Variants in GRXCR1 observed in about 807,000 individuals in gnomAD.
GRXCR1 encodes the protein glutaredoxin and cysteine rich domain containing 1, also known as glutaredoxin domain-containing cysteine-rich protein 1.
GRXCR1 carries 27 observed loss-of-function variants against 27.3 expected under a neutral mutation model. The observed-to-expected ratio is 0.99, with a 90% CI of 0.73 to 1.37. GRXCR1 has a LOEUF of 1.37. GRXCR1 is among the 40% of genes most tolerant of loss of function. The pLI is 0.00. For missense variants in GRXCR1, 379 were observed against 354.4 expected, an observed-to-expected ratio of 1.07 and a Z score of -0.56; for synonymous variants, 122 against 131.1, an observed-to-expected ratio of 0.93 and a Z score of 0.47.
intron 1 of GRXCR1, among the ~76,000 whole-genome samples, chr4:42,928,743 A>G (rs1338691527): frequency 2.0e-5 from 3 of 152,080 alleles, no homozygotes; most frequent in South Asian, 4.1e-4. Flanking sequence ...AGGCAAGGCA[A>G]GGGAGGGTAA....
intron 2 of GRXCR1, among the ~76,000 whole-genome samples, chr4:42,982,696 T>C (rs1289067513): frequency 2.8e-5 from 4 of 143,012 alleles, no homozygotes; most frequent in Non-Finnish European, 3.1e-5. Context: ...TTCCTGTTTC[T>C]CCACATCCTC....
intron 1 of GRXCR1, among the ~76,000 whole-genome samples, chr4:42,919,216 T>A (rs1239536659): frequency 6.6e-6 from 1 of 152,156 alleles, no homozygotes; most frequent in Non-Finnish European, 1.5e-5. Flanking sequence ...GAGGCTGGCC[T>A]GTCAGACAGT....
At position 42,986,880 on chromosome 4, in the gene GRXCR1, G is replaced by T. The variant is rs1222236059; in HGVS notation, c.627+23746G>T. ...CTTAAAATTAGTCCCCCTAAGCCTGGAAAGAAGAAGCCAAACAGTCACCGA... is the reference window on the plus strand; with the variant it reads ...CTTAAAATTAGTCCCCCTAAGCCTGTAAAGAAGAAGCCAAACAGTCACCGA... On this transcript the variant is annotated intron_variant, in intron 2 of 3. Coordinates refer to ENST00000399770, the MANE Select transcript of GRXCR1 (RefSeq NM_001080476.3). Among the ~76,000 whole-genome samples the T allele has an allele frequency of 3.3e-5, 5 of 151,978 alleles. No homozygotes were observed. In the East Asian group the frequency reaches 9.7e-4, roughly 30 times the overall value.
intron 3 of GRXCR1, among the ~76,000 whole-genome samples, chr4:43,026,646 T>C (rs1234887742): frequency 1.3e-5 from 2 of 152,168 alleles, no homozygotes; most frequent in African/African-American, 4.8e-5. Flanking sequence ...CAAATAAACA[T>C]TGAAAACTAC....
intron 1 of GRXCR1, among the ~76,000 whole-genome samples, chr4:42,945,360 G>T (rs538420373): frequency 1.3e-5 from 2 of 152,296 alleles, no homozygotes; most frequent in Non-Finnish European, 2.9e-5. Context: ...ATGGACTCAT[G>T]TAAATAAATC....
Position 42,893,241 on chromosome 4 carries a change from A to G in GRXCR1, c.-26A>G, listed in dbSNP as rs1402251081. 6.2e-7 allele frequency: 1 copy of G among 1,613,036 alleles called. No individual in the cohort carries two copies. The highest frequency in any genetic ancestry group is 1.3e-5 in the African/African-American group (1 of 74,856). On this transcript the variant is annotated 5_prime_UTR_variant, in exon 1 of 4. An upstream open reading frame in the 5' UTR loses its in-frame stop. Transcript: ENST00000399770. Reference sequence around the variant, plus strand: ...GTAACAACGGGTCCAGAATGCTGTAAACTGTTCATATGGGTGGAGGTGACC... The same window carrying G: ...GTAACAACGGGTCCAGAATGCTGTAGACTGTTCATATGGGTGGAGGTGACC...
intron 1 of GRXCR1, among the ~76,000 whole-genome samples, chr4:42,944,281 G>C (rs1436610048): frequency 1.3e-5 from 2 of 152,046 alleles, no homozygotes; most frequent in African/African-American, 4.8e-5. Context: ...GTTTGAGATT[G>C]TATCAGGATT....
At chr4:42,965,028 T>C (rs897686718) in intron 2 of GRXCR1, among the ~76,000 whole-genome samples, 1 of 152,082 alleles carries the variant, frequency 6.6e-6, no homozygotes, top group Non-Finnish European at 1.5e-5. Context: ...CTGCCTTCAA[T>C]GCACAGGTAT....
At chr4:43,004,289 A>C (rs1409853225) in intron 2 of GRXCR1, among the ~76,000 whole-genome samples, 1 of 152,218 alleles carries the variant, frequency 6.6e-6, no homozygotes, top group Non-Finnish European at 1.5e-5. Context: ...GTATGGAAAC[A>C]CCTGGATGTC....
At chr4:42,919,371 A>G (rs775545758) in intron 1 of GRXCR1, among the ~76,000 whole-genome samples, 2 of 152,110 alleles carry the variant, frequency 1.3e-5, no homozygotes, top group Non-Finnish European at 2.9e-5. Context: ...TTGCTTGCTT[A>G]TCTCCTGTGG....
At position 42,938,561 on chromosome 4, in the gene GRXCR1, T is replaced by C. The variant is rs181769802; in HGVS notation, c.385-24331T>C. Among the ~76,000 whole-genome samples, 3 of 152,154 alleles carry C rather than the reference T, an allele frequency of 2.0e-5. No homozygotes were observed. The East Asian group carries it at 5.8e-4, about 29-fold the overall frequency. On this transcript the variant is annotated intron_variant, in intron 1 of 3. Coordinates refer to ENST00000399770, the MANE Select transcript of GRXCR1 (RefSeq NM_001080476.3). Reference sequence around the variant, plus strand: ...TCATGGTTCCCTCTGCTTTGTGGTATTACTCAAGAAGTCTTTGCTCAGACC... The same window carrying C: ...TCATGGTTCCCTCTGCTTTGTGGTACTACTCAAGAAGTCTTTGCTCAGACC...
chr4:43,008,111 G>A (rs1248337130), intron 2 of GRXCR1, among the ~76,000 whole-genome samples: 3 of 151,500 alleles, frequency 2.0e-5, no homozygotes, highest in Admixed American at 6.6e-5. Flanking sequence ...ACTTTTTAAC[G>A]TTTTAGTTTT....
chr4:42,949,528 C>T (rs926108045), intron 1 of GRXCR1, among the ~76,000 whole-genome samples: 1 of 152,122 alleles, frequency 6.6e-6, no homozygotes, highest in African/African-American at 2.4e-5. Flanking sequence ...CTAGCTCCAT[C>T]ATTTGCTAGT....
At chr4:42,997,823 C>T (rs766906067) in intron 2 of GRXCR1, among the ~76,000 whole-genome samples, 7 of 152,138 alleles carry the variant, frequency 4.6e-5, no homozygotes, top group Non-Finnish European at 7.3e-5. Flanking sequence ...TGCCTCTCTC[C>T]CTCTGCCTCC....
chr4:42,906,499 C>T (rs906535080), intron 1 of GRXCR1, among the ~76,000 whole-genome samples: 1 of 152,092 alleles, frequency 6.6e-6, no homozygotes, highest in African/African-American at 2.4e-5. Context: ...TGCCAGTCAC[C>T]TCAGGGGCTC....
intron 1 of GRXCR1, among the ~76,000 whole-genome samples, chr4:42,909,883 G>A (rs775629026): frequency 3.3e-5 from 5 of 152,174 alleles, no homozygotes; most frequent in Non-Finnish European, 7.3e-5. Context: ...TGTAGGGTAG[G>A]AGGGAGGGAT....
intron 1 of GRXCR1, among the ~76,000 whole-genome samples, chr4:42,905,091 A>G (rs1163821830): frequency 1.3e-5 from 2 of 152,206 alleles, no homozygotes; most frequent in Non-Finnish European, 2.9e-5. Flanking sequence ...CGACCCTGCC[A>G]CACAAACCTG....
At chr4:43,007,257 G>T (rs1712592323) in intron 2 of GRXCR1, among the ~76,000 whole-genome samples, 1 of 152,162 alleles carries the variant, frequency 6.6e-6, no homozygotes, top group Non-Finnish European at 1.5e-5. Flanking sequence ...ATGTGCTGAT[G>T]CTTTAATGCA....
intron 2 of GRXCR1, among the ~76,000 whole-genome samples, chr4:43,004,955 G>C (rs971283410): frequency 6.6e-6 from 1 of 152,108 alleles, no homozygotes; most frequent in Admixed American, 6.5e-5. Flanking sequence ...GAGGGTTCAG[G>C]GGTGGAATGA....
Sources: gnomAD v4.1 joint callset for allele counts (sites outside exome capture counted in the v4.1 genomes callset) on GRCh38, gnomAD v4.1.1 for gene constraint, MANE v1.5 for transcripts, NCBI Gene and HGNC (gene_info 2026-07-23, HGNC 2026-07-21) for gene names.